Variants in RGS6 observed in about 807,000 individuals in gnomAD.
The protein encoded by RGS6 is regulator of G protein signaling 6.
In RGS6, 30 loss-of-function variants were observed where a neutral mutation model predicts 78.5. The ratio of observed to expected loss-of-function variants is 0.38; its 90% confidence interval spans 0.29 to 0.52. The LOEUF (loss-of-function observed/expected upper bound fraction) is 0.52, where lower values mean the gene tolerates loss of function less well. RGS6 is among the 20% of genes least tolerant of loss of function. The pLI, the probability that RGS6 is intolerant of heterozygous loss-of-function variation, is 0.85. For synonymous variants in RGS6, 206 were observed against 206.0 expected (o/e 1.00, Z 0.00); for missense variants, 495 against 609.7 (o/e 0.81, Z 1.98).
At chr14:72,295,492 T>C (rs2152362232) in intron 2 of RGS6, among the ~76,000 whole-genome samples, 1 of 151,944 alleles carries the variant, frequency 6.6e-6, no homozygotes, top group Non-Finnish European at 1.5e-5. Context: ...GCCACTGATC[T>C]CATCACTGCA....
At chr14:72,171,182 A>C (rs2097011189) in intron 2 of RGS6, among the ~76,000 whole-genome samples, 1 of 152,116 alleles carries the variant, frequency 6.6e-6, no homozygotes, top group African/African-American at 2.4e-5. Context: ...GAGGAAAAAA[A>C]AGCTGAAGGG....
At chr14:72,056,810 CAAT>C (rs1381827637) in intron 2 of RGS6, among the ~76,000 whole-genome samples, 3 of 152,170 alleles carry the variant, frequency 2.0e-5, no homozygotes, top group South Asian at 2.1e-4. Flanking sequence ...ACATGAAACA[CAAT>C]AAACTTTTAA....
chr14:72,551,699 A>G lies in RGS6; in HGVS notation c.1423-10718A>G, dbSNP rs544238278. Among the ~76,000 whole-genome samples, 80 of 152,344 alleles carry G rather than the reference A, an allele frequency of 5.3e-4. 1 individual carries two copies. The highest frequency in any genetic ancestry group is 7.5e-4 in the African/African-American group (31 of 41,590). Reference sequence around the variant, plus strand: ...TGGGCAAGTCACTTGCATGTCTGACAGGTACAACAAAGCCCACTGCACAGG... The same window carrying G: ...TGGGCAAGTCACTTGCATGTCTGACGGGTACAACAAAGCCCACTGCACAGG... On this transcript the variant is annotated intron_variant, in intron 17 of 17. Coordinates refer to ENST00000553525, the MANE Select transcript of RGS6 (RefSeq NM_001204424.2).
At chr14:72,018,940 G>A (rs1453236441) in intron 2 of RGS6, among the ~76,000 whole-genome samples, 2 of 152,246 alleles carry the variant, frequency 1.3e-5, no homozygotes, top group South Asian at 4.1e-4. Context: ...GTGCTTGTAG[G>A]AGGTGAGTGT....
intron 2 of RGS6, among the ~76,000 whole-genome samples, chr14:72,219,251 A>G (rs111960913): frequency 4.6e-5 from 7 of 152,102 alleles, no homozygotes; most frequent in African/African-American, 1.7e-4. Flanking sequence ...AATGACCACA[A>G]ATGATCTCCA....
chr14:72,559,057 A>G (rs1423337280), intron 17 of RGS6, among the ~76,000 whole-genome samples: 3 of 152,176 alleles, frequency 2.0e-5, no homozygotes, highest in East Asian at 3.9e-4. Flanking sequence ...CTCTGTAACT[A>G]TGCAAATGCC....
chr14:72,005,093 G>A (rs1448699181), intron 2 of RGS6, among the ~76,000 whole-genome samples: 3 of 152,166 alleles, frequency 2.0e-5, no homozygotes, highest in African/African-American at 7.2e-5. Context: ...ATTAGGAGAA[G>A]CACAAATGGT....
At chr14:71,912,883 A>G in the RGS6 span, among the ~76,000 whole-genome samples, 2 of 151,864 alleles carry the variant, frequency 1.3e-5, no homozygotes, top group South Asian at 4.2e-4. Context: ...TGGAGTGCAG[A>G]GGCATGATCT....
At chr14:72,595,759 T>C in the RGS6 span, among the ~76,000 whole-genome samples, 3 of 152,232 alleles carry the variant, frequency 2.0e-5, no homozygotes, top group African/African-American at 7.2e-5. Flanking sequence ...TTTAGCATGG[T>C]GTTGAGAGAG....
chr14:71,949,057 T>C (rs1423631929), intron 1 of RGS6, among the ~76,000 whole-genome samples: 2 of 152,190 alleles, frequency 1.3e-5, no homozygotes, highest in South Asian at 4.1e-4. Flanking sequence ...TTCCACAAAC[T>C]ATTCATCTAC....
chr14:72,474,972 A>G (rs2096197144), intron 10 of RGS6, among the ~76,000 whole-genome samples: 1 of 140,230 alleles, frequency 7.1e-6, no homozygotes, highest in Non-Finnish European at 1.5e-5. Flanking sequence ...GGAGAGGTAC[A>G]GGACAGTTGA....
chr14:72,617,950 C>G, the RGS6 span, among the ~76,000 whole-genome samples: 14 of 152,216 alleles, frequency 9.2e-5, no homozygotes, highest in African/African-American at 3.4e-4. Context: ...AGTTATTGTG[C>G]TGCTGCTGCG....
intron 12 of RGS6, among the ~76,000 whole-genome samples, chr14:72,489,595 AG>A (rs1458677240): frequency 6.6e-6 from 1 of 152,248 alleles, no homozygotes; most frequent in Admixed American, 6.5e-5. Context: ...AAGACAAAAA[AG>A]AGAGCGGATG....
intron 3 of RGS6, among the ~76,000 whole-genome samples, chr14:72,376,530 C>A (rs780949421): frequency 6.6e-6 from 1 of 152,144 alleles, no homozygotes; most frequent in Non-Finnish European, 1.5e-5. Context: ...CAGGTCCTCT[C>A]TGAGGCACAT....
chr14:71,887,757 G>A, the RGS6 span, among the ~76,000 whole-genome samples: 25 of 152,300 alleles, frequency 1.6e-4, no homozygotes, highest in East Asian at 4.8e-3. Context: ...ACCCTTATCA[G>A]TGGTTCTGTT....
intron 2 of RGS6, among the ~76,000 whole-genome samples, chr14:72,086,212 A>C (rs12883161): frequency 3.9e-5 from 6 of 152,072 alleles, no homozygotes; most frequent in African/African-American, 1.4e-4. Context: ...TACTGATAAC[A>C]TGATGGGAGA....
chr14:71,923,325 T>C, the RGS6 span, among the ~76,000 whole-genome samples: 2 of 152,338 alleles, frequency 1.3e-5, no homozygotes, highest in African/African-American at 2.4e-5. Flanking sequence ...ACAGAGTCTA[T>C]ATATTCTGTG....
the RGS6 span, among the ~76,000 whole-genome samples, chr14:72,577,291 T>C: frequency 2.0e-5 from 3 of 152,210 alleles, no homozygotes; most frequent in South Asian, 4.1e-4. Flanking sequence ...AGTTGAAAGT[T>C]TGAAATGTGA....
At chr14:72,122,773 C>G (rs2096084915) in intron 2 of RGS6, among the ~76,000 whole-genome samples, 1 of 149,606 alleles carries the variant, frequency 6.7e-6, no homozygotes, top group African/African-American at 2.5e-5. Context: ...TATATACTCC[C>G]TAAGAATCTT....
Sources: gnomAD v4.1 joint callset for allele counts (sites outside exome capture counted in the v4.1 genomes callset) on GRCh38, gnomAD v4.1.1 for gene constraint, MANE v1.5 for transcripts, NCBI Gene and HGNC (gene_info 2026-07-23, HGNC 2026-07-21) for gene names.